The following APTX variants were observed in gnomAD, a reference collection of about 807,000 sequenced individuals.
APTX encodes the protein forkhead-associated domain histidine triad-like protein.
In APTX, 33 loss-of-function variants were observed where a neutral mutation model predicts 42.3. The ratio of observed to expected loss-of-function variants is 0.78; its 90% CI spans 0.59 to 1.04. The LOEUF (loss-of-function observed/expected upper bound fraction) is 1.04. Among genes scored for constraint, APTX ranks in the 50% least tolerant of loss-of-function variants. APTX has a pLI of 0.00. For missense variants in APTX, 421 were observed against 415.1 expected (o/e 1.01, Z -0.12); for synonymous variants, 130 against 146.7 (o/e 0.89, Z 0.82).
intron 1 of APTX, 24 bp downstream of exon 1, chr9:33,001,543 G>A (rs1343187811): frequency 5.0e-6 from 8 of 1,613,654 alleles, no homozygotes; most frequent in East Asian, 2.2e-5. Flanking sequence ...GCCAGCAGAA[G>A]AGATAGGCTG....
intron 6 of APTX, among the ~76,000 whole-genome samples, chr9:32,975,010 G>T (rs111404570): frequency 6.6e-6 from 1 of 152,146 alleles, no homozygotes; most frequent in Non-Finnish European, 1.5e-5. Context: ...AGCATCTCCC[G>T]GGAAGTGATT....
At chr9:32,981,264 G>A (rs1210635558) in intron 6 of APTX, among the ~76,000 whole-genome samples, 2 of 152,164 alleles carry the variant, frequency 1.3e-5, no homozygotes, top group African/African-American at 2.4e-5. Context: ...TAACTAATGA[G>A]AGCCAGGTTT....
At chr9:33,020,190 G>C (rs1404589761) in intron 1 of APTX, 7 of 257,162 alleles carry the variant, frequency 2.7e-5, no homozygotes, top group Non-Finnish European at 5.1e-5. Context: ...TATAGCTGTA[G>C]TTGTACTCAT....
intron 1 of APTX, 95 bp from the exon 2 acceptor site, chr9:32,989,990 A>T: frequency 1.3e-6 from 2 of 1,495,562 alleles, no homozygotes; most frequent in Non-Finnish European, 1.8e-6. Flanking sequence ...GTGATCTACC[A>T]GCTGTTCATC....
chr9:32,973,612 G>C lies in APTX; in HGVS notation c.915C>G (p.Val305=), dbSNP rs770357057. ...TCAAGAGCTCAGGCATCCCATCTCGGACAGTTACTCTACCAGCCTCTTGTA... is the reference window on the plus strand; with the variant it reads ...TCAAGAGCTCAGGCATCCCATCTCGCACAGTTACTCTACCAGCCTCTTGTA... ...EMVQEAGRVT[V]RDGMPELLKL... is the part of the protein sequence containing the mutation. Residue 305 remains valine (V), a synonymous_variant, in exon 8 of 8, where the codon GTC becomes GTG. Coordinates refer to ENST00000379817, the MANE Select transcript of APTX (RefSeq NM_001195248.2). The C allele has an allele frequency of 6.2e-7, 1 of 1,613,238 alleles. No individual in the cohort carries two copies. The highest frequency in any genetic ancestry group is 1.1e-5 in the South Asian group (1 of 91,030).
intron 1 of APTX, chr9:33,019,707 G>A (rs1228180942): frequency 5.8e-6 from 3 of 521,720 alleles, no homozygotes; most frequent in East Asian, 7.0e-5. Flanking sequence ...CAGGCTTAGC[G>A]GGAAACTGGG....
intron 1 of APTX, among the ~76,000 whole-genome samples, chr9:32,998,802 T>C (rs2119072649): frequency 6.6e-6 from 1 of 151,654 alleles, no homozygotes; most frequent in South Asian, 2.1e-4. Flanking sequence ...CAAACCACTA[T>C]GGCACTTAGT....
chr9:32,987,886 A>C, intron 3 of APTX, 40 bp from the exon 4 acceptor site: 1 of 1,605,854 alleles, frequency 6.2e-7, no homozygotes, highest in Non-Finnish European at 8.5e-7. Context: ...TAATAATAGC[A>C]ACAGCACCTA....
intron 1 of APTX, among the ~76,000 whole-genome samples, chr9:33,009,212 C>T (rs1009803097): frequency 3.3e-5 from 5 of 152,198 alleles, no homozygotes; most frequent in Non-Finnish European, 5.9e-5. Flanking sequence ...TTCAGCAATG[C>T]TGATCTGTGT....
chr9:32,986,405 C>T (rs1832143851), intron 4 of APTX, among the ~76,000 whole-genome samples: 1 of 151,984 alleles, frequency 6.6e-6, no homozygotes, highest in Non-Finnish European at 1.5e-5. Flanking sequence ...CCAGGTTGGC[C>T]ATGCTGGTCT....
chr9:32,974,883 TAAAC>T lies in APTX; in HGVS notation c.771-326_771-323del, dbSNP rs910849377. 1.1e-4 allele frequency among the ~76,000 whole-genome samples: 16 copies of T among 151,340 alleles called. No individual in the cohort carries two copies. The South Asian group carries it at 2.5e-3, about 24-fold the overall frequency. ...GACAAATAATAAATAAGCAAACAAA[TAAAC>T]AAACAAAAAAAAACTTAAAGAATTA... is the stretch of plus-strand genomic sequence containing the variant. On this transcript the variant is annotated intron_variant, in intron 6 of 7. Transcript: ENST00000379817.
chr9:33,000,450 A>G (rs891605205), intron 1 of APTX, among the ~76,000 whole-genome samples: 1 of 151,914 alleles, frequency 6.6e-6, no homozygotes, highest in African/African-American at 2.4e-5. Context: ...AACATGGTGA[A>G]ACCCCATCTC....
rs1829894641 is a variant in APTX at position 32,978,176 on chromosome 9, G to A, written c.771-3615C>T. 1.3e-5 allele frequency among the ~76,000 whole-genome samples: 2 copies of A among 152,342 alleles called. 1 individual carries two copies. The highest frequency in any genetic ancestry group is 3.9e-4 in the East Asian group (2 of 5,192). ...TGGAAAGCCATGTAGAACCACTACT[G>A]CTTCAAAAGGGTATACGACTTAATG... On this transcript the variant is annotated intron_variant, in intron 6 of 7. Coordinates refer to ENST00000379817, the MANE Select transcript of APTX (RefSeq NM_001195248.2).
intron 6 of APTX, among the ~76,000 whole-genome samples, chr9:32,977,640 G>A (rs945145938): frequency 2.6e-5 from 4 of 152,130 alleles, no homozygotes; most frequent in Admixed American, 2.6e-4. Flanking sequence ...AGACCAGCCT[G>A]GCCAATATGA....
intron 5 of APTX, among the ~76,000 whole-genome samples, chr9:32,985,479 C>T (rs1441432875): frequency 6.6e-6 from 1 of 152,074 alleles, no homozygotes; most frequent in Non-Finnish European, 1.5e-5. Flanking sequence ...AGATTACAGG[C>T]ATGCACCACC....
intron 1 of APTX, among the ~76,000 whole-genome samples, chr9:33,008,022 G>A (rs893628620): frequency 6.6e-6 from 1 of 152,042 alleles, no homozygotes; most frequent in African/African-American, 2.4e-5. Context: ...GTCTGCTCTG[G>A]GGGAATCCAA....
intron 1 of APTX, among the ~76,000 whole-genome samples, chr9:33,021,191 G>A (rs925650243): frequency 6.7e-6 from 1 of 148,228 alleles, no homozygotes. Flanking sequence ...GGTAAGAAAA[G>A]AGGCCATCCA....
chr9:33,006,472 T>C (rs1013152159), upstream of APTX, among the ~76,000 whole-genome samples: 13 of 152,272 alleles, frequency 8.5e-5, no homozygotes, highest in African/African-American at 3.1e-4. Context: ...TTGAGACTCC[T>C]GCTCTAAGGG....
At chr9:32,979,709 A>T in intron 6 of APTX, 1 of 164,028 alleles carries the variant, frequency 6.1e-6, no homozygotes, top group South Asian at 1.5e-4. Context: ...AAGTTTTTCC[A>T]TATCTCTCTG....
Sources: gnomAD v4.1 joint callset for allele counts (sites outside exome capture counted in the v4.1 genomes callset) on GRCh38, gnomAD v4.1.1 for gene constraint, MANE v1.5 for transcripts, NCBI Gene and HGNC (gene_info 2026-07-23, HGNC 2026-07-21) for gene names.